The following PPP1R1C variants were observed in gnomAD, a reference collection of about 807,000 sequenced individuals.
The protein encoded by PPP1R1C is protein phosphatase 1 regulatory subunit 1C.
A neutral mutation model predicts 17.4 loss-of-function variants in PPP1R1C; 15 were observed. The observed-to-expected ratio is 0.86, with a 90% confidence interval of 0.58 to 1.33. The LOEUF is 1.33. PPP1R1C is among the 40% of genes most tolerant of loss of function. The probability of loss-of-function intolerance (pLI) is 0.00; values close to 1 mark genes in which losing one functional copy is unlikely to be tolerated. For synonymous variants in PPP1R1C, 35 were observed against 43.1 expected (o/e 0.81, Z 0.73); for missense variants, 143 against 130.0 (o/e 1.10, Z -0.48).
At position 181,963,868 on chromosome 2, in the gene PPP1R1C, A is replaced by G. The variant is rs139644288; in HGVS notation, n.111+9234A>G. On this transcript the variant is annotated intron_variant and non_coding_transcript_variant, in intron 1 of 5. Coordinates refer to the PPP1R1C transcript ENST00000464264. ...CTTATGTATTTATGAGGTACGTAAG[A>G]TATTTTGATACAGGCATACAATGCA... is the stretch of plus-strand genomic sequence containing the variant. Among the ~76,000 whole-genome samples the G allele has an allele frequency of 2.8e-4, 43 of 152,200 alleles. 1 individual carries two copies. The East Asian group carries it at 7.1e-3, about 25-fold the overall frequency.
At chr2:181,972,044 A>G (rs762787342) in intron 1 of PPP1R1C, among the ~76,000 whole-genome samples, 15 of 152,202 alleles carry the variant, frequency 9.9e-5, no homozygotes, top group Non-Finnish European at 1.6e-4. Flanking sequence ...GATTGCTCAC[A>G]TGATTTTTTT....
In PPP1R1C at chr2:182,088,008, A is replaced by G. The variant is rs545529016; in HGVS notation, c.241+24217A>G. 2.0e-3 allele frequency among the ~76,000 whole-genome samples: 298 copies of G among 152,348 alleles called. 3 individuals are homozygous for G. The highest frequency in any genetic ancestry group is 6.8e-3 in the African/African-American group (282 of 41,586). On this transcript the variant is annotated intron_variant, in intron 4 of 4. Transcript: ENST00000682840. ...GATCCAAATGCTGTCACCATCTTCC[A>G]GAAGAAGAATGATCTCTTGCTGGCT... is the stretch of plus-strand genomic sequence containing the variant.
chr2:181,958,802 A>C (rs1684712000), intron 1 of PPP1R1C, among the ~76,000 whole-genome samples: 2 of 152,274 alleles, frequency 1.3e-5, no homozygotes, highest in Middle Eastern at 3.4e-3. Flanking sequence ...TAGCATCTAG[A>C]GGGTGGTCAT....
chr2:182,009,751 T>A (rs916330769), intron 2 of PPP1R1C, among the ~76,000 whole-genome samples: 1 of 152,112 alleles, frequency 6.6e-6, no homozygotes, highest in Non-Finnish European at 1.5e-5. Flanking sequence ...GTTTCATAAT[T>A]TGAGGTCTTA....
intron 4 of PPP1R1C, among the ~76,000 whole-genome samples, chr2:182,077,027 A>G (rs1190442048): frequency 6.6e-6 from 1 of 152,186 alleles, no homozygotes; most frequent in Non-Finnish European, 1.5e-5. Context: ...TTAATTTTTT[A>G]CAGTTACTTG....
In PPP1R1C at chr2:182,116,208, A is replaced by C. The variant is rs898353038; in HGVS notation, c.242-999A>C. Among the ~76,000 whole-genome samples the C allele has an allele frequency of 2.0e-4, 31 of 152,336 alleles. No individual in the cohort carries two copies. In the Middle Eastern group the frequency reaches 0.017, roughly 84 times the overall value. On this transcript the variant is annotated intron_variant, in intron 4 of 4. Transcript: ENST00000682840. ...ATTAATTCAATCAATGATTTAGACA[A>C]TAAATATTAATGAGTACCTACTGTT... is the stretch of plus-strand genomic sequence containing the variant.
At chr2:182,058,358 T>C (rs1419443051) in intron 2 of PPP1R1C, among the ~76,000 whole-genome samples, 1 of 152,028 alleles carries the variant, frequency 6.6e-6, no homozygotes, top group Non-Finnish European at 1.5e-5. Flanking sequence ...AGGAGGAAGA[T>C]CATTGATATA....
intron 1 of PPP1R1C, among the ~76,000 whole-genome samples, chr2:181,973,751 T>G (rs1375821950): frequency 6.6e-6 from 1 of 152,216 alleles, no homozygotes; most frequent in African/African-American, 2.4e-5. Context: ...ATCAAATACA[T>G]TTCTTGAAAA....
At chr2:182,012,785 G>A (rs752223913) in intron 2 of PPP1R1C, among the ~76,000 whole-genome samples, 12 of 151,966 alleles carry the variant, frequency 7.9e-5, no homozygotes, top group South Asian at 6.2e-4. Flanking sequence ...TGTGATTTGA[G>A]ATTATCATGA....
At chr2:182,017,879 A>C (rs959687163) in intron 2 of PPP1R1C, among the ~76,000 whole-genome samples, 1 of 152,144 alleles carries the variant, frequency 6.6e-6, no homozygotes, top group Non-Finnish European at 1.5e-5. Context: ...ATAAGTCAAC[A>C]AAGGGAAAGA....
Position 182,117,336 on chromosome 2 carries a change from A to G in PPP1R1C, c.*41A>G. ...AAGAAGGCTTCTTGGAAATAACTGA[A>G]CTATTAACTTTTCTGAGTATACCAT... On this transcript the variant is annotated 3_prime_UTR_variant, in exon 5 of 5. Transcript: ENST00000682840. 1.4e-6 allele frequency: 2 copies of G among 1,392,358 alleles called. No homozygotes were observed. The highest frequency in any genetic ancestry group is 2.0e-6 in the Non-Finnish European group (2 of 1,013,590). The allele number at this position is 1,392,358 out of a possible 1,614,324, so 86.3% of individuals were successfully genotyped here.
chr2:182,119,217 C>A (rs1019746654), downstream of PPP1R1C, among the ~76,000 whole-genome samples: 150 of 152,010 alleles, frequency 9.9e-4, no homozygotes, highest in Non-Finnish European at 1.6e-3. Flanking sequence ...TATCCATGTC[C>A]CTACAAAGGA....
chr2:181,995,897 T>A (rs1685599198), intron 2 of PPP1R1C, among the ~76,000 whole-genome samples: 1 of 152,038 alleles, frequency 6.6e-6, no homozygotes, highest in Non-Finnish European at 1.5e-5. Context: ...CCAGACAGAA[T>A]TTACCAGGGG....
intron 2 of PPP1R1C, among the ~76,000 whole-genome samples, chr2:182,035,458 G>A (rs1467797677): frequency 6.6e-6 from 1 of 152,036 alleles, no homozygotes; most frequent in African/African-American, 2.4e-5. Context: ...TTTACTTCTT[G>A]GCATTTGATA....
At chr2:182,035,536 C>T (rs1686977893) in intron 2 of PPP1R1C, among the ~76,000 whole-genome samples, 1 of 152,102 alleles carries the variant, frequency 6.6e-6, no homozygotes, top group South Asian at 2.1e-4. Flanking sequence ...GAGGTGAGGC[C>T]TGGTGGGAGG....
chr2:181,962,919 G>A lies in PPP1R1C; in HGVS notation n.111+8285G>A, dbSNP rs1347630321. Among the ~76,000 whole-genome samples, 2 of 152,132 alleles carry A rather than the reference G, an allele frequency of 1.3e-5. No individual in the cohort carries two copies. The highest frequency in any genetic ancestry group is 2.4e-5 in the African/African-American group (1 of 41,418). On this transcript the variant is annotated intron_variant and non_coding_transcript_variant, in intron 1 of 5. Transcript: ENST00000464264. The surrounding 1 kb of genome is among the most constrained non-coding windows in gnomAD (Gnocchi z 6.0). ...GAGAGGGGGGATCTCTGAAGTAGGA[G>A]TTCAGACACAGGATACTCCCAGGGT...
intron 1 of PPP1R1C, among the ~76,000 whole-genome samples, chr2:181,956,187 T>C (rs1443762083): frequency 6.6e-6 from 1 of 152,210 alleles, no homozygotes; most frequent in Non-Finnish European, 1.5e-5. Context: ...CTGAGAATGA[T>C]GGTTTCCAGC....
At chr2:182,009,555 AT>A (rs574614669) in intron 2 of PPP1R1C, among the ~76,000 whole-genome samples, 1 of 151,788 alleles carries the variant, frequency 6.6e-6, no homozygotes, top group Admixed American at 6.6e-5. Flanking sequence ...AGTTTTGAAT[AT>A]TTTCTCCCAT....
At chr2:182,127,432 G>T (rs1334745901) in intron 5 of PPP1R1C, among the ~76,000 whole-genome samples, 1 of 152,002 alleles carries the variant, frequency 6.6e-6, no homozygotes, top group African/African-American at 2.4e-5. Context: ...ACGGTGTAGA[G>T]ATATGTTTAT....
Sources: gnomAD v4.1 joint callset for allele counts (sites outside exome capture counted in the v4.1 genomes callset) on GRCh38, gnomAD v4.1.1 for gene constraint, Gnocchi (gnomAD v3.1) non-coding constraint, MANE v1.5 for transcripts, NCBI Gene and HGNC (gene_info 2026-07-23, HGNC 2026-07-21) for gene names.